The following PIK3R5 variants were observed in gnomAD, a reference collection of about 807,000 sequenced individuals.
The protein encoded by PIK3R5 is phosphoinositide-3-kinase regulatory subunit 5.
Under a neutral mutation model 94.9 loss-of-function variants are expected in PIK3R5, and 32 were observed. The ratio of observed to expected loss-of-function variants is 0.34; its 90% CI spans 0.25 to 0.45. PIK3R5 has a LOEUF of 0.45. PIK3R5 is among the 20% of genes least tolerant of loss of function. PIK3R5 has a pLI of 1.00. For missense variants in PIK3R5, 853 were observed against 1,144.6 expected (o/e 0.75, Z 3.68); for synonymous variants, 443 against 479.4 (o/e 0.92, Z 0.99).
In PIK3R5 at chr17:8,905,654, C is replaced by G. The variant is rs1193630388; in HGVS notation, c.273+15G>C. On this transcript the variant is annotated intron_variant, in intron 4 of 18. Coordinates refer to ENST00000447110, the MANE Select transcript of PIK3R5 (RefSeq NM_001142633.3). ...TCCTCCCTCACCTCCAGCATCCTGG[C>G]CCACGTGGACTTACACAAAGAACAG... The G allele has an allele frequency of 1.3e-6, 2 of 1,582,060 alleles. No homozygotes were observed. Among genetic ancestry groups the G allele is most frequent in the Non-Finnish European group, 8.6e-7 (1 of 1,163,582 alleles).
intron 1 of PIK3R5, among the ~76,000 whole-genome samples, chr17:8,939,183 T>A (rs1429392866): frequency 6.6e-6 from 1 of 152,186 alleles, no homozygotes; most frequent in Non-Finnish European, 1.5e-5. Context: ...TTTCTCAGGA[T>A]CTGCAGCAAG....
Position 8,911,532 on chromosome 17 carries a change from A to G in PIK3R5, c.-13-25T>C. ...CCTGCATGGGGGACAGACGCCGGTC[A>G]GCTTGTCGAGCTCCTTTCCCAGAGA... On this transcript the variant is annotated intron_variant, in intron 1 of 18. Transcript: ENST00000447110. The surrounding 1 kb of genome is among the most constrained non-coding windows in gnomAD (Gnocchi z 5.3). 1 of 1,468,946 alleles carries G rather than the reference A, an allele frequency of 6.8e-7. No individual in the cohort carries two copies. The highest frequency in any genetic ancestry group is 9.4e-7 in the Non-Finnish European group (1 of 1,066,182). The allele number at this position is 1,468,946 out of a possible 1,614,324, so 91.0% of individuals were successfully genotyped here.
intron 3 of PIK3R5, among the ~76,000 whole-genome samples, chr17:8,906,849 T>A (rs571450565): frequency 2.0e-5 from 3 of 152,166 alleles, no homozygotes; most frequent in African/African-American, 7.2e-5. Flanking sequence ...TGCTATATGG[T>A]GTCAGTTGGG....
intron 1 of PIK3R5, among the ~76,000 whole-genome samples, chr17:8,921,802 T>C (rs2090753232): frequency 6.6e-6 from 1 of 152,188 alleles, no homozygotes; most frequent in Non-Finnish European, 1.5e-5. Flanking sequence ...GATCTAAATG[T>C]AAAGTGCTAA....
At position 8,884,982 on chromosome 17, in the gene PIK3R5, T is replaced by C. The variant is rs73973255; in HGVS notation, c.2129-199A>G. 5.3e-4 allele frequency: 311 copies of C among 591,182 alleles called. No homozygotes were observed. Among genetic ancestry groups the C allele is most frequent in the African/African-American group, 3.6e-3 (191 of 53,542 alleles). 36.6% of individuals were successfully genotyped at this position (591,182 alleles called of 1,614,324 possible). ...GATCTCCACCTCCTCAGTGACCCCA[T>C]CACTCCAGGGCCCATCTCCGCTGTG... On this transcript the variant is annotated intron_variant, in intron 14 of 18. Transcript: ENST00000447110. The surrounding 1 kb of genome is among the most constrained non-coding windows in gnomAD (Gnocchi z 5.8).
rs536554721 is a variant in PIK3R5 at position 8,916,126 on chromosome 17, T to C, written c.-13-4619A>G. 7 of 152,396 alleles carry C rather than the reference T, an allele frequency of 4.6e-5. 1 individual carries two copies. The highest frequency in any genetic ancestry group is 1.7e-4 in the African/African-American group (7 of 41,554). 9.4% of individuals were successfully genotyped at this position (152,396 alleles called of 1,614,324 possible). ...CAGAGGCAGGACTTGCCTGAGCCAC[T>C]AGCCCCTGGGAGCCTGAGAGATGGG... On this transcript the variant is annotated intron_variant, in intron 1 of 18. Transcript: ENST00000447110.
At position 8,925,125 on chromosome 17, in the gene PIK3R5, GGATA is replaced by G. The variant is rs560944791; in HGVS notation, c.-13-13622_-13-13619del. Among the ~76,000 whole-genome samples the G allele has an allele frequency of 2.7e-3, 406 of 151,306 alleles. 2 individuals carry two copies. The highest frequency in any genetic ancestry group is 3.1e-3 in the Non-Finnish European group (208 of 67,804). On this transcript the variant is annotated intron_variant, in intron 1 of 18. Transcript: ENST00000447110. The surrounding 1 kb of genome is among the most constrained non-coding windows in gnomAD (Gnocchi z 5.1). ...GTAGATGGATAGATAGATAGTAGAT[GGATA>G]GATAGATAGTAGATGAATAGATAGC... is the stretch of plus-strand genomic sequence containing the variant.
rs1172549280 is a variant in PIK3R5, at chr17:8,889,541, T to C, written c.812-319A>G. Among the ~76,000 whole-genome samples, 2 of 152,144 alleles carry C rather than the reference T, an allele frequency of 1.3e-5. No homozygotes were observed. Among genetic ancestry groups the C allele is most frequent in the Non-Finnish European group, 2.9e-5 (2 of 68,014 alleles). ...CCCAGAAGGTTTTTATGAGGAATAT[T>C]GTAACAGGGAATGCTAATGGTTCCT... On this transcript the variant is annotated intron_variant, in intron 8 of 18. Coordinates refer to ENST00000447110, the MANE Select transcript of PIK3R5 (RefSeq NM_001142633.3). The surrounding 1 kb of genome is among the most constrained non-coding windows in gnomAD (Gnocchi z 4.1).
At chr17:8,954,433 C>T (rs540303255) in intron 1 of PIK3R5, among the ~76,000 whole-genome samples, 1 of 152,336 alleles carries the variant, frequency 6.6e-6, no homozygotes, top group African/African-American at 2.4e-5. Flanking sequence ...CTCCTGATTG[C>T]CCTGATTGCC....
rs2151434767 is a variant in PIK3R5 at position 8,925,511 on chromosome 17, T to C, written c.-13-14004A>G. ...GGATAGATAGTAGATGGATAGATAG[T>C]AGATGGATAGATAGATAGATAGTAG... On this transcript the variant is annotated intron_variant, in intron 1 of 18. Coordinates refer to ENST00000447110, the MANE Select transcript of PIK3R5 (RefSeq NM_001142633.3). The surrounding 1 kb of genome is among the most constrained non-coding windows in gnomAD (Gnocchi z 5.1). 6.9e-6 allele frequency among the ~76,000 whole-genome samples: 1 copy of C among 145,582 alleles called. No individual in the cohort carries two copies. Among genetic ancestry groups the C allele is most frequent in the East Asian group, 2.2e-4 (1 of 4,526 alleles).
chr17:8,903,499 ATATT>A (rs1461372671), intron 5 of PIK3R5, among the ~76,000 whole-genome samples: 1 of 149,928 alleles, frequency 6.7e-6, no homozygotes, highest in East Asian at 1.9e-4. Flanking sequence ...TATTTGTAAA[ATATT>A]TATATATTAT....
rs61759589 is a variant in PIK3R5 at position 8,904,424 on chromosome 17, C to T, written c.412+353G>A. ...CAGAGAACATGCAAAGCCCTCTTGTCAGCATCCTGGGGGCTTCTCTGTCTG... is the reference window on the plus strand; with the variant it reads ...CAGAGAACATGCAAAGCCCTCTTGTTAGCATCCTGGGGGCTTCTCTGTCTG... On this transcript the variant is annotated intron_variant, in intron 5 of 18. Coordinates refer to ENST00000447110, the MANE Select transcript of PIK3R5 (RefSeq NM_001142633.3). This position sits in a 1 kb window ranked among gnomAD's most constrained non-coding sequence, Gnocchi z 5.1. 0.012 allele frequency among the ~76,000 whole-genome samples: 1,761 copies of T among 152,314 alleles called. 37 individuals carry two copies. The highest frequency in any genetic ancestry group is 0.039 in the African/African-American group (1,640 of 41,560).
chr17:8,963,198 C>T (rs1234637843), intron 1 of PIK3R5, among the ~76,000 whole-genome samples: 1 of 152,214 alleles, frequency 6.6e-6, no homozygotes, highest in Non-Finnish European at 1.5e-5. Flanking sequence ...TGAGGCCAAA[C>T]AGGCATTCTG....
chr17:8,885,277 C>T (rs535871044), intron 14 of PIK3R5, among the ~76,000 whole-genome samples: 2 of 151,270 alleles, frequency 1.3e-5, no homozygotes, highest in Non-Finnish European at 3.0e-5. Context: ...GCCCTGCCTT[C>T]CAGGCAACCC....
intron 1 of PIK3R5, among the ~76,000 whole-genome samples, chr17:8,963,725 G>C (rs2091607895): frequency 6.6e-6 from 1 of 152,048 alleles, no homozygotes; most frequent in Non-Finnish European, 1.5e-5. Flanking sequence ...AGGGAGGAAA[G>C]GCAAGCAGGG....
At position 8,889,606 on chromosome 17, in the gene PIK3R5, G is replaced by T. The variant is rs1285901493; in HGVS notation, c.811+367C>A. Among the ~76,000 whole-genome samples, 1 of 152,196 alleles carries T rather than the reference G, an allele frequency of 6.6e-6. No homozygotes were observed. Among genetic ancestry groups the T allele is most frequent in the African/African-American group, 2.4e-5 (1 of 41,446 alleles). On this transcript the variant is annotated intron_variant, in intron 8 of 18. Coordinates refer to ENST00000447110, the MANE Select transcript of PIK3R5 (RefSeq NM_001142633.3). This position sits in a 1 kb window ranked among gnomAD's most constrained non-coding sequence, Gnocchi z 4.1. ...CCTTCTATGGTACTGGAGTCATAGA[G>T]ACGATGTTTCCCAGGCTCCTTTGGG... is the stretch of plus-strand genomic sequence containing the variant.
rs769584507 is a variant in PIK3R5, at chr17:8,888,903, C to G, written c.896-12G>C. The G allele has an allele frequency of 1.3e-6, 2 of 1,589,300 alleles. No individual in the cohort carries two copies. Among genetic ancestry groups the G allele is most frequent in the South Asian group, 2.2e-5 (2 of 89,548 alleles). ...TTCCTGCAGGATGTCTGCAGGGAAG[C>G]AAGGCCAGCACTGTCTGGGCGTCTG... On this transcript the variant is annotated splice_polypyrimidine_tract_variant and intron_variant, in intron 9 of 18. Coordinates refer to ENST00000447110, the MANE Select transcript of PIK3R5 (RefSeq NM_001142633.3). This position sits in a 1 kb window ranked among gnomAD's most constrained non-coding sequence, Gnocchi z 7.8.
At position 8,960,083 on chromosome 17, in the gene PIK3R5, C is replaced by T. The variant is rs1159030541; in HGVS notation, c.-14+5513G>A. Among the ~76,000 whole-genome samples, 6 of 152,208 alleles carry T rather than the reference C, an allele frequency of 3.9e-5. No individual in the cohort carries two copies. In the East Asian group the frequency reaches 7.7e-4, roughly 20 times the overall value. ...CGGGGAGGGGTGAGGAAGGTGGGAA[C>T]GAGTCCCTGGTCTGTGTCAGACACT... On this transcript the variant is annotated intron_variant, in intron 1 of 18. Coordinates refer to ENST00000447110, the MANE Select transcript of PIK3R5 (RefSeq NM_001142633.3).
chr17:8,884,645 T>C lies in PIK3R5; in HGVS notation c.2205+62A>G, dbSNP rs1014952477. 40 of 1,351,576 alleles carry C rather than the reference T, an allele frequency of 3.0e-5. No individual in the cohort carries two copies. The African/African-American group carries it at 5.4e-4, about 18-fold the overall frequency. 83.7% of individuals were successfully genotyped at this position (1,351,576 alleles called of 1,614,324 possible). On this transcript the variant is annotated intron_variant, in intron 15 of 18. Coordinates refer to ENST00000447110, the MANE Select transcript of PIK3R5 (RefSeq NM_001142633.3). This position sits in a 1 kb window ranked among gnomAD's most constrained non-coding sequence, Gnocchi z 5.8. ...CACGAGTCCAGCTCTGGGTCCAAGCTCTGGCGGAGGAAGTATCAGCAGCAG... is the reference window on the plus strand; with the variant it reads ...CACGAGTCCAGCTCTGGGTCCAAGCCCTGGCGGAGGAAGTATCAGCAGCAG...
Sources: allele counts gnomAD v4.1 joint callset (sites outside exome capture counted in the v4.1 genomes callset), GRCh38; gene constraint gnomAD v4.1.1; non-coding constraint Gnocchi (gnomAD v3.1); transcripts MANE v1.5; gene names NCBI Gene and HGNC (gene_info 2026-07-23, HGNC 2026-07-21).